The following SLC35F4 variants were observed in gnomAD, a reference collection of about 807,000 sequenced individuals.
SLC35F4 encodes chromosome 14 open reading frame 36.
Under a neutral mutation model 44.2 loss-of-function variants are expected in SLC35F4, and 24 were observed. The ratio of observed to expected loss-of-function variants is 0.54; its 90% CI spans 0.39 to 0.76. The LOEUF (loss-of-function observed/expected upper bound fraction) is 0.76, where lower values mean the gene tolerates loss of function less well. Ranked by LOEUF, SLC35F4 falls within the 30% of genes least tolerant of loss-of-function variation. SLC35F4 has a pLI of 0.00. For synonymous variants in SLC35F4, 238 were observed against 223.6 expected, an observed-to-expected ratio of 1.06 and a Z score of -0.57; for missense variants, 562 against 586.1, an observed-to-expected ratio of 0.96 and a Z score of 0.42.
intron 1 of SLC35F4, among the ~76,000 whole-genome samples, chr14:57,723,732 T>A (rs1029875964): frequency 3.9e-5 from 6 of 152,234 alleles, no homozygotes; most frequent in Non-Finnish European, 5.9e-5. Flanking sequence ...CAGGGGTATA[T>A]CAACTCTCCA....
intron 1 of SLC35F4, among the ~76,000 whole-genome samples, chr14:57,693,427 A>C (rs1257904008): frequency 7.4e-6 from 1 of 135,052 alleles, no homozygotes; most frequent in African/African-American, 2.5e-5. Flanking sequence ...GGGCAGGAAC[A>C]CCTGGCCCAC....
At chr14:57,585,212 A>AATCCC (rs57517644) in intron 3 of SLC35F4, among the ~76,000 whole-genome samples, 48,864 of 151,856 alleles carry the variant, frequency 0.32, 7,909 homozygotes, top group Middle Eastern at 0.36. Flanking sequence ...TCATGCCTAT[A>AATCCC]ATCCCAGCAC....
chr14:57,745,381 G>A (rs892392953), intron 1 of SLC35F4, among the ~76,000 whole-genome samples: 2 of 151,550 alleles, frequency 1.3e-5, no homozygotes, highest in African/African-American at 4.8e-5. Flanking sequence ...TTAAACAAAC[G>A]TAAAAGAAAA....
At chr14:57,681,209 G>A (rs578099630) in intron 1 of SLC35F4, among the ~76,000 whole-genome samples, 1 of 151,986 alleles carries the variant, frequency 6.6e-6, no homozygotes, top group African/African-American at 2.4e-5. Flanking sequence ...GGCCTCAGAA[G>A]TAACACCACA....
At chr14:57,683,020 A>G (rs1298784634) in intron 1 of SLC35F4, among the ~76,000 whole-genome samples, 1 of 152,150 alleles carries the variant, frequency 6.6e-6, no homozygotes, top group African/African-American at 2.4e-5. Context: ...CATGAACTCA[A>G]TCATGGTGGG....
At chr14:57,785,238 G>T (rs537044917) in intron 1 of SLC35F4, among the ~76,000 whole-genome samples, 2 of 152,188 alleles carry the variant, frequency 1.3e-5, no homozygotes, top group East Asian at 1.9e-4. Context: ...CTCTGTCATG[G>T]TGCCAGATAT....
At chr14:57,680,834 A>G (rs2346992) in intron 1 of SLC35F4, among the ~76,000 whole-genome samples, 147,926 of 152,162 alleles carry the variant, frequency 0.97, 72,055 homozygotes, top group Non-Finnish European at 1. Flanking sequence ...ACCTCTTCAA[A>G]GAGAACTACA....
At chr14:57,897,848 C>T (rs1955646) in intron 1 of SLC35F4, among the ~76,000 whole-genome samples, 18,378 of 152,068 alleles carry the variant, frequency 0.12, 1,361 homozygotes, top group East Asian at 0.4. Context: ...CAAAAATAGG[C>T]TTCTGAATAT....
At chr14:57,764,512 A>G (rs1258359487) in intron 1 of SLC35F4, among the ~76,000 whole-genome samples, 1 of 152,242 alleles carries the variant, frequency 6.6e-6, no homozygotes, top group East Asian at 1.9e-4. Flanking sequence ...AGGTCTTTCA[A>G]GTGGTTCCCA....
chr14:57,647,490 T>TTG (rs77328508), intron 1 of SLC35F4, among the ~76,000 whole-genome samples: 27,332 of 151,964 alleles, frequency 0.18, 2,502 homozygotes, highest in South Asian at 0.26. Context: ...CATGTGGCCA[T>TTG]TGTCTTGGAA....
intron 1 of SLC35F4, among the ~76,000 whole-genome samples, chr14:57,897,956 A>G (rs1888917390): frequency 6.6e-6 from 1 of 152,204 alleles, no homozygotes; most frequent in Non-Finnish European, 1.5e-5. Flanking sequence ...CAAACAGATG[A>G]CTACTGAAGT....
intron 1 of SLC35F4, among the ~76,000 whole-genome samples, chr14:57,623,236 G>C (rs2072291546): frequency 6.6e-6 from 1 of 152,180 alleles, no homozygotes. Context: ...TAATGGTAAA[G>C]GGATCAATGC....
chr14:57,673,552 T>C (rs1254619894), intron 1 of SLC35F4, among the ~76,000 whole-genome samples: 1 of 151,996 alleles, frequency 6.6e-6, no homozygotes, highest in Non-Finnish European at 1.5e-5. Context: ...TTGAAGAAGA[T>C]AGAAACTGCC....
chr14:57,587,736 C>T (rs932634227), intron 3 of SLC35F4, among the ~76,000 whole-genome samples: 5 of 152,100 alleles, frequency 3.3e-5, no homozygotes, highest in South Asian at 2.1e-4. Context: ...CAAAGCTGCA[C>T]GTTCTGCCCA....
intron 1 of SLC35F4, among the ~76,000 whole-genome samples, chr14:57,861,438 G>A (rs1263387017): frequency 6.6e-6 from 1 of 152,044 alleles, no homozygotes; most frequent in Non-Finnish European, 1.5e-5. Context: ...TTTGCATGCA[G>A]ACTTGCTCTT....
chr14:57,639,749 G>T (rs2073150137), intron 1 of SLC35F4, among the ~76,000 whole-genome samples: 1 of 151,862 alleles, frequency 6.6e-6, no homozygotes, highest in Non-Finnish European at 1.5e-5. Flanking sequence ...CTAGTGCATA[G>T]GACTACTAAT....
chr14:57,684,220 C>T (rs889604400), intron 1 of SLC35F4, among the ~76,000 whole-genome samples: 5 of 152,116 alleles, frequency 3.3e-5, no homozygotes, highest in Non-Finnish European at 5.9e-5. Context: ...CCCAACATCC[C>T]ACGCCGCTGC....
At chr14:57,586,364 C>T (rs1206206844) in intron 3 of SLC35F4, among the ~76,000 whole-genome samples, 3 of 152,056 alleles carry the variant, frequency 2.0e-5, no homozygotes, top group Admixed American at 6.6e-5. Flanking sequence ...AGACCTAAAA[C>T]CATAAAAACT....
chr14:57,700,051 A>G (rs12432471), intron 1 of SLC35F4, among the ~76,000 whole-genome samples: 71,759 of 151,958 alleles, frequency 0.47, 17,649 homozygotes, highest in African/African-American at 0.62. Context: ...TTTTTCCTAT[A>G]CAATCTTAAG....
Sources: allele counts gnomAD v4.1 joint callset (sites outside exome capture counted in the v4.1 genomes callset), GRCh38; gene constraint gnomAD v4.1.1; transcripts MANE v1.5; gene names NCBI Gene and HGNC (gene_info 2026-07-23, HGNC 2026-07-21).